The following FLT3 variants were observed in gnomAD, a reference collection of about 807,000 sequenced individuals.
The protein encoded by FLT3 is receptor-type tyrosine-protein kinase FLT3.
In FLT3, 46 loss-of-function variants were observed where a neutral mutation model predicts 126.6. The observed-to-expected ratio is 0.36, with a 90% CI of 0.29 to 0.46. The LOEUF (loss-of-function observed/expected upper bound fraction) is 0.46. Among genes scored for constraint, FLT3 ranks in the 20% least tolerant of loss-of-function variants. The pLI is 1.00. For missense variants in FLT3, 1,069 were observed against 1,190.3 expected (o/e 0.90, Z 1.50); for synonymous variants, 404 against 434.4 (o/e 0.93, Z 0.87).
intron 1 of FLT3, among the ~76,000 whole-genome samples, chr13:28,079,452 A>C (rs1204224826): frequency 6.6e-6 from 1 of 152,130 alleles, no homozygotes; most frequent in Non-Finnish European, 1.5e-5. Flanking sequence ...CCCAGTTCCA[A>C]AGACACTTCC....
In FLT3 at chr13:28,048,290, A is replaced by G; in HGVS notation, c.1190T>C (p.Leu397Pro). ...RKSFPCEQKG[L>P]DNGYSISKFC... ...GTGGTCTCACCTGTATCCGTTATCA[A>G]GACCCTTTTGCTCACAAGGAAATGA... The change falls in exon 9 of 24, where the codon CTT (leucine) becomes CCT (proline). Residue 397 changes from leucine to proline, a missense_variant. Coordinates refer to ENST00000241453, the MANE Select transcript of FLT3 (RefSeq NM_004119.3). 1 of 1,613,808 alleles carries G rather than the reference A, an allele frequency of 6.2e-7. No homozygotes were observed. The highest frequency in any genetic ancestry group is 1.1e-5 in the South Asian group (1 of 90,988).
chr13:28,061,908 G>A lies in FLT3; in HGVS notation c.327C>T (p.His109=), dbSNP rs771079228. Residue 109 remains histidine (H), a synonymous_variant, in exon 3 of 24, where the codon CAC becomes CAT. Transcript: ENST00000241453. ...AATGTGGCTGGCAATTCAGGGAGCTGTGCTTAAAGACCCAGAGACAGGAAA... is the reference window on the plus strand; with the variant it reads ...AATGTGGCTGGCAATTCAGGGAGCTATGCTTAAAGACCCAGAGACAGGAAA... ...GNISCLWVFK[H]SSLNCQPHFD... is the part of the protein sequence containing the mutation. 1 of 1,614,112 alleles carries A rather than the reference G, an allele frequency of 6.2e-7. No individual in the cohort carries two copies. Among genetic ancestry groups the A allele is most frequent in the Middle Eastern group, 1.7e-4 (1 of 6,052 alleles).
rs530247989 is a variant in FLT3 at position 28,030,152 on chromosome 13, G to A, written c.1943-1864C>T. Among the ~76,000 whole-genome samples, 247 of 152,204 alleles carry A rather than the reference G, an allele frequency of 1.6e-3. 1 individual carries two copies. The highest frequency in any genetic ancestry group is 5.5e-3 in the African/African-American group (230 of 41,550). The stretch of plus-strand genomic sequence containing the variant: ...TCCTAACCTTTATAGTGGCTTCTCC[G>A]GTGCTGACATCCTCTATTTTGGTTT... On this transcript the variant is annotated intron_variant, in intron 15 of 23. Coordinates refer to ENST00000241453, the MANE Select transcript of FLT3 (RefSeq NM_004119.3).
In FLT3 at chr13:28,048,399, T is replaced by C. The variant is rs1215666834; in HGVS notation, c.1081A>G (p.Ile361Val). The C allele has an allele frequency of 1.2e-6, 2 of 1,611,010 alleles. No homozygotes were observed. Among genetic ancestry groups the C allele is most frequent in the Non-Finnish European group, 1.7e-6 (2 of 1,177,350 alleles). The change falls in exon 9 of 24, where the codon ATT (isoleucine) becomes GTT (valine). Residue 361 changes from isoleucine (I) to valine (V), a missense_variant. By Grantham distance (29) the Ile-to-Val change is conservative. Transcript: ENST00000241453. Reference sequence around the variant, plus strand: ...AAACAAAACTCTTCATATTGGTCAATTTCATAATCTTCACTTGAATTGGTA... The same window carrying C: ...AAACAAAACTCTTCATATTGGTCAACTTCATAATCTTCACTTGAATTGGTA... ...NATNSSEDYE[I>V]DQYEEFCFSV...
At chr13:28,008,161 A>G (rs191013606) in intron 23 of FLT3, among the ~76,000 whole-genome samples, 1 of 151,950 alleles carries the variant, frequency 6.6e-6, no homozygotes, top group Admixed American at 6.6e-5. Context: ...CCTGCACAAC[A>G]TAGCAAGATC....
At position 28,014,437 on chromosome 13, in the gene FLT3, C is replaced by G; in HGVS notation, c.2859+15G>C. The G allele has an allele frequency of 6.4e-7, 1 of 1,569,238 alleles. No individual in the cohort carries two copies. The highest frequency in any genetic ancestry group is 8.8e-7 in the Non-Finnish European group (1 of 1,139,366). Reference sequence around the variant, plus strand: ...TTCCTTTGTAAAGCTTTATAAAGTCCTGGCTGCTACATACCGCTTCTTCTG... The same window carrying G: ...TTCCTTTGTAAAGCTTTATAAAGTCGTGGCTGCTACATACCGCTTCTTCTG... On this transcript the variant is annotated intron_variant, in intron 23 of 23. Coordinates refer to ENST00000241453, the MANE Select transcript of FLT3 (RefSeq NM_004119.3).
intron 15 of FLT3, among the ~76,000 whole-genome samples, chr13:28,030,897 C>T (rs568330571): frequency 2.0e-5 from 3 of 151,214 alleles, no homozygotes; most frequent in South Asian, 2.1e-4. Context: ...GAGTGAGACC[C>T]TATCTCAAAA....
chr13:28,097,278 G>C (rs750995263), intron 1 of FLT3, among the ~76,000 whole-genome samples: 29 of 151,746 alleles, frequency 1.9e-4, no homozygotes, highest in Non-Finnish European at 3.7e-4. Context: ...AAAAAAATGG[G>C]TATTCAATTA....
At chr13:28,029,010 A>G (rs1873074165) in intron 15 of FLT3, among the ~76,000 whole-genome samples, 1 of 151,994 alleles carries the variant, frequency 6.6e-6, no homozygotes, top group Non-Finnish European at 1.5e-5. Context: ...TTGAACTCCT[A>G]GATTCAAGCA....
Position 28,032,105 on chromosome 13 carries a change from G to A in FLT3, c.1942+1782C>T, listed in dbSNP as rs575318067. 3.9e-4 allele frequency among the ~76,000 whole-genome samples: 60 copies of A among 152,280 alleles called. No individual in the cohort carries two copies. In the South Asian group the frequency reaches 0.012, roughly 31 times the overall value. On this transcript the variant is annotated intron_variant, in intron 15 of 23. Coordinates refer to ENST00000241453, the MANE Select transcript of FLT3 (RefSeq NM_004119.3). ...CAAGGAAAAGTCACGGGTTTCTAGT[G>A]TGCCCAACTATATAGAATGTGGTTA... is the stretch of plus-strand genomic sequence containing the variant.
chr13:28,068,474 C>T (rs1410015904), intron 2 of FLT3: 2 of 151,594 alleles, frequency 1.3e-5, no homozygotes, highest in South Asian at 2.1e-4. Context: ...AGTTCGAGAC[C>T]CATCTGGCTA....
In FLT3 at chr13:28,003,546, A is replaced by G; in HGVS notation, c.*506T>C. ...TAGGTGGCTATGGGTGCACAATTTC[A>G]GGGGGTTCGTGAACTCCAGTTAAGA... On this transcript the variant is annotated 3_prime_UTR_variant, in exon 24 of 24. Coordinates refer to ENST00000241453, the MANE Select transcript of FLT3 (RefSeq NM_004119.3). 2 of 238,328 alleles carry G rather than the reference A, an allele frequency of 8.4e-6. No individual in the cohort carries two copies. Among genetic ancestry groups the G allele is most frequent in the Non-Finnish European group, 1.7e-5 (2 of 120,596 alleles). 14.8% of individuals were successfully genotyped at this position (238,328 alleles called of 1,614,324 possible). A position where few individuals can be genotyped will look rare whatever the true frequency, so the allele number is the denominator to read the frequency against.
chr13:28,079,202 C>A (rs116566542), intron 1 of FLT3, among the ~76,000 whole-genome samples: 2,234 of 152,264 alleles, frequency 0.015, 58 homozygotes, highest in African/African-American at 0.049. Context: ...ATCTCTAGGA[C>A]AAGGGCAAAA....
rs370218881 is a variant in FLT3, at chr13:28,062,221, T to G, written c.166-152A>C. On this transcript the variant is annotated intron_variant, in intron 2 of 23. Coordinates refer to ENST00000241453, the MANE Select transcript of FLT3 (RefSeq NM_004119.3). ...AACCCACTGAGAACACGTTGCCGAC[T>G]GAAGGTCCTATTAATTATAATTCTC... is the stretch of plus-strand genomic sequence containing the variant. The G allele has an allele frequency of 2.3e-4, 142 of 608,816 alleles. No homozygotes were observed. In the African/African-American group the frequency reaches 2.4e-3, roughly 10 times the overall value. The allele number at this position is 608,816 out of a possible 1,614,324, so 37.7% of individuals were successfully genotyped here.
chr13:28,098,314 C>CAAAAAAAAAAAAAAAAAAAAAAAAAAAA (rs55675449), intron 1 of FLT3, among the ~76,000 whole-genome samples: 2 of 85,294 alleles, frequency 2.3e-5, no homozygotes, highest in African/African-American at 7.8e-5. Flanking sequence ...GACTCCGTCT[C>CAAAAAAAAAAAAAAAAAAAAAAAAAAAA]AAAAAAAAAA....
In FLT3 at chr13:28,061,882, A is replaced by T; in HGVS notation, c.353T>A (p.Phe118Tyr). 3 of 1,614,014 alleles carry T rather than the reference A, an allele frequency of 1.9e-6. No individual in the cohort carries two copies. Among genetic ancestry groups the T allele is most frequent in the Non-Finnish European group, 2.5e-6 (3 of 1,179,870 alleles). ...KHSSLNCQPH[F>Y]DLQNRGVVSM... ...CTCCACTTACCTGTTTTGTAAATCA[A>T]AATGTGGCTGGCAATTCAGGGAGCT... Residue 118 changes from phenylalanine (F) to tyrosine (Y), a missense_variant, in exon 3 of 24, where the codon TTT becomes TAT. Transcript: ENST00000241453.
intron 19 of FLT3, among the ~76,000 whole-genome samples, chr13:28,021,040 G>T (rs544321884): frequency 1.3e-5 from 2 of 152,220 alleles, no homozygotes; most frequent in Admixed American, 1.3e-4. Context: ...TATTTACTTA[G>T]CTATGGGCAG....
rs1334121227 is a variant in FLT3 at position 28,076,558 on chromosome 13, C to CA, written c.44-5947dup. Among the ~76,000 whole-genome samples, 4 of 152,206 alleles carry CA rather than the reference C, an allele frequency of 2.6e-5. No homozygotes were observed. In the East Asian group the frequency reaches 5.8e-4, roughly 22 times the overall value. ...CCCAGAAGGCTGCTGGTGCAAGTGT[C>CA]AGAGTCCAAGAGCCAAAGAACCTGG... On this transcript the variant is annotated intron_variant, in intron 1 of 23. Coordinates refer to ENST00000241453, the MANE Select transcript of FLT3 (RefSeq NM_004119.3).
chr13:28,006,608 TCTCA>T (rs1480442069), intron 23 of FLT3, among the ~76,000 whole-genome samples: 2 of 152,060 alleles, frequency 1.3e-5, no homozygotes, highest in South Asian at 2.1e-4. Flanking sequence ...CTTCATCCAG[TCTCA>T]CTGTCTAGAA....
Sources: gnomAD v4.1 joint callset for allele counts (sites outside exome capture counted in the v4.1 genomes callset) on GRCh38, gnomAD v4.1.1 for gene constraint, MANE v1.5 for transcripts, NCBI Gene and HGNC (gene_info 2026-07-23, HGNC 2026-07-21) for gene names.